ARHGAP45: variants seen among roughly 807,000 people sequenced by gnomAD.
ARHGAP45 encodes the protein rho GTPase-activating protein 45.
A neutral mutation model predicts 116.1 loss-of-function variants in ARHGAP45; 56 were observed. The ratio of observed to expected loss-of-function variants is 0.48; its 90% CI spans 0.39 to 0.60. ARHGAP45 has a LOEUF of 0.60. Ranked by LOEUF, ARHGAP45 falls within the 20% of genes least tolerant of loss-of-function variation. The pLI, the probability that ARHGAP45 is intolerant of heterozygous loss-of-function variation, is 0.00. For synonymous variants in ARHGAP45, 866 were observed against 701.7 expected (o/e 1.23, Z -3.70); for missense variants, 1,622 against 1,601.0 (o/e 1.01, Z -0.22).
At chr19:1,080,631 G>C (rs1431000824) in intron 15 of ARHGAP45, 51 bp from the exon 16 acceptor site, 1 of 1,602,814 alleles carries the variant, frequency 6.2e-7, no homozygotes, top group Non-Finnish European at 8.5e-7. Context: ...CGGGGTGATG[G>C]AGGGGGCCCC....
Position 1,086,062 on chromosome 19 carries a change from CA to C in ARHGAP45, c.*57del. 2 of 1,458,026 alleles carry C rather than the reference CA, an allele frequency of 1.4e-6. No homozygotes were observed. The highest frequency in any genetic ancestry group is 2.4e-5 in the South Asian group (2 of 81,662). The allele number at this position is 1,458,026 out of a possible 1,614,324, so 90.3% of individuals were successfully genotyped here. On this transcript the variant is annotated 3_prime_UTR_variant, in exon 23 of 23. Transcript: ENST00000313093. ...TCTCTCTTGCCTGCTCCTGTCCCTCCAGCACGTCCCCTGCACCACGGCATAG... is the reference window on the plus strand; with the variant it reads ...TCTCTCTTGCCTGCTCCTGTCCCTCCGCACGTCCCCTGCACCACGGCATAG...
chr19:1,074,609 C>G lies in ARHGAP45; in HGVS notation c.994-5C>G. On this transcript the variant is annotated splice_polypyrimidine_tract_variant and splice_region_variant and intron_variant, in intron 8 of 22. Transcript: ENST00000313093. ...CCACCCAGTGAGCCGGTGCCCCACC[C>G]ACAGCCCCACATGCCGCTCCTGTCC... is the stretch of plus-strand genomic sequence containing the variant. 2 of 1,564,342 alleles carry G rather than the reference C, an allele frequency of 1.3e-6. No homozygotes were observed. Among genetic ancestry groups the G allele is most frequent in the Non-Finnish European group, 1.7e-6 (2 of 1,154,742 alleles).
intron 11 of ARHGAP45, 66 bp from the exon 12 acceptor site, chr19:1,079,637 A>G: frequency 6.4e-7 from 1 of 1,565,100 alleles, no homozygotes; most frequent in Non-Finnish European, 8.7e-7. Context: ...CGCCTCCCTG[A>G]GGTTTCTGTC....
chr19:1,082,481 T>G, intron 19 of ARHGAP45: 1 of 342,296 alleles, frequency 2.9e-6, no homozygotes. Flanking sequence ...GCTAGGGGCG[T>G]GGTCATGTCT....
In ARHGAP45 at chr19:1,080,330, C is replaced by T. The variant is rs1346595804; in HGVS notation, c.1779C>T (p.Pro593=). The change falls in exon 14 of 23, where the codon CCC becomes CCT. Residue 593 remains proline, a synonymous_variant. Transcript: ENST00000313093. The stretch of plus-strand genomic sequence containing the variant: ...CGCGGCCGGAGGCTGCCGGGAGCCC[C>T]CCAGAAGAAGGCGGGTGCACTGAGG... The part of the protein sequence containing the change: ...DVARPEAAGS[P]PEEGGCTEGT... The T allele has an allele frequency of 1.2e-6, 2 of 1,610,270 alleles. No homozygotes were observed. Among genetic ancestry groups the T allele is most frequent in the African/African-American group, 1.3e-5 (1 of 74,820 alleles).
chr19:1,070,342 T>G, intron 2 of ARHGAP45, among the ~76,000 whole-genome samples: 1 of 128,624 alleles, frequency 7.8e-6, no homozygotes, highest in Non-Finnish European at 1.7e-5. Flanking sequence ...TTTTTTTTTT[T>G]TTTTTTGAGA....
chr19:1,069,501 C>T lies in ARHGAP45; in HGVS notation c.421+757C>T, dbSNP rs373704651. Among the ~76,000 whole-genome samples, 47 of 152,342 alleles carry T rather than the reference C, an allele frequency of 3.1e-4. No homozygotes were observed. The highest frequency in any genetic ancestry group is 8.4e-4 in the African/African-American group (35 of 41,572). On this transcript the variant is annotated intron_variant, in intron 2 of 22. Transcript: ENST00000313093. The surrounding 1 kb of genome is among the most constrained non-coding windows in gnomAD (Gnocchi z 4.1). ...CAGCAGCCGCCCATTTTACAGATGA[C>T]GAAACTAAGTCTCTAGTGAGGCCCT...
At chr19:1,081,463 C>CA (rs1555709424) in intron 17 of ARHGAP45, 87 bp from the exon 18 acceptor site, 3 of 1,290,548 alleles carry the variant, frequency 2.3e-6, no homozygotes, top group African/African-American at 1.5e-5. Flanking sequence ...GGGCTGTGAG[C>CA]GCCCCGGGGA....
At chr19:1,070,815 C>G (rs1471609807) in intron 2 of ARHGAP45, among the ~76,000 whole-genome samples, 1 of 152,180 alleles carries the variant, frequency 6.6e-6, no homozygotes, top group Non-Finnish European at 1.5e-5. Flanking sequence ...CGGGGCCGCC[C>G]CAGGCCAGAG....
At chr19:1,066,119 G>A (rs1459007643), upstream of ARHGAP45, 1 of 1,535,692 alleles carries the variant, frequency 6.5e-7, no homozygotes, top group East Asian at 2.4e-5. Flanking sequence ...AAGGGGCTGT[G>A]GCCTTCATGT....
chr19:1,077,328 G>A (rs2043276110), intron 10 of ARHGAP45: 2 of 984,966 alleles, frequency 2.0e-6, no homozygotes, highest in Admixed American at 6.2e-5. Context: ...GGGCACACAG[G>A]ACACCCATTT....
Position 1,068,453 on chromosome 19 carries a change from G to C in ARHGAP45, c.130G>C (p.Gly44Arg). The change falls in exon 2 of 23, where the codon GGA (glycine) becomes CGA (arginine). Residue 44 changes from glycine (G) to arginine (R), a missense_variant. Gly to Arg is a moderately radical substitution (Grantham distance 125). Around this residue, in one of 3 missense-constraint regions of ARHGAP45, gnomAD observed 279 missense variants for 311.9 expected, o/e 0.89. Coordinates refer to ENST00000313093, the MANE Select transcript of ARHGAP45 (RefSeq NM_012292.5). The surrounding 1 kb of genome is among the most constrained non-coding windows in gnomAD (Gnocchi z 7.5). ...GGATGGGGCTGACGCGGTGTTCCCCGGACCAAGCCTGGAGCCGCCCGCTGG... is the reference window on the plus strand; with the variant it reads ...GGATGGGGCTGACGCGGTGTTCCCCCGACCAAGCCTGGAGCCGCCCGCTGG... ...RKDGADAVFP[G>R]PSLEPPAGSS... 1 of 1,581,308 alleles carries C rather than the reference G, an allele frequency of 6.3e-7. No individual in the cohort carries two copies. Among genetic ancestry groups the C allele is most frequent in the Non-Finnish European group, 8.6e-7 (1 of 1,164,030 alleles).
chr19:1,081,633 G>C lies in ARHGAP45; in HGVS notation c.2274G>C (p.Leu758=). Reference sequence around the variant, plus strand: ...AGAAGCTGCAAGGCCGCCTGCAGCTGTTCGGCCAGGACTTCAGCCACGCGG... The same window carrying C: ...AGAAGCTGCAAGGCCGCCTGCAGCTCTTCGGCCAGGACTTCAGCCACGCGG... ...GHKKLQGRLQ[L]FGQDFSHAAR... The change falls in exon 18 of 23, where the codon CTG becomes CTC. Residue 758 remains leucine, a synonymous_variant. Transcript: ENST00000313093. 1.3e-6 allele frequency: 2 copies of C among 1,572,846 alleles called. No individual in the cohort carries two copies. Among genetic ancestry groups the C allele is most frequent in the East Asian group, 2.4e-5 (1 of 42,478 alleles).
chr19:1,078,085 A>G, intron 11 of ARHGAP45, 40 bp downstream of exon 11: 2 of 1,527,162 alleles, frequency 1.3e-6, no homozygotes, highest in Non-Finnish European at 1.8e-6. Context: ...TCCCTGGAGG[A>G]GGAGATCCAA....
intron 11 of ARHGAP45, among the ~76,000 whole-genome samples, chr19:1,078,854 C>A (rs917165596): frequency 1.4e-4 from 22 of 151,962 alleles, no homozygotes; most frequent in African/African-American, 5.1e-4. Flanking sequence ...GTAGCTGGGA[C>A]CACAGGCGTG....
chr19:1,084,885 C>A (rs567125107), intron 22 of ARHGAP45, among the ~76,000 whole-genome samples: 120 of 152,242 alleles, frequency 7.9e-4, no homozygotes, highest in African/African-American at 2.7e-3. Flanking sequence ...AGTTCAAGAC[C>A]AGCCTGACCA....
chr19:1,079,890 C>T (rs746939162), intron 12 of ARHGAP45, 38 bp from the exon 13 acceptor site: 2 of 1,593,966 alleles, frequency 1.3e-6, no homozygotes, highest in African/African-American at 1.3e-5. Flanking sequence ...ACCGGGCGGC[C>T]TCCTCCTGAC....
intron 2 of ARHGAP45, among the ~76,000 whole-genome samples, chr19:1,072,496 C>A (rs535585441): frequency 6.6e-6 from 1 of 152,062 alleles, no homozygotes; most frequent in South Asian, 2.1e-4. Context: ...CTCAACCCGT[C>A]CTCCTGCCTC....
chr19:1,085,241 G>A (rs779893716), intron 22 of ARHGAP45, among the ~76,000 whole-genome samples: 6 of 152,076 alleles, frequency 3.9e-5, no homozygotes, highest in Non-Finnish European at 5.9e-5. Context: ...GCTTGTGTCC[G>A]GAAACTCCAG....
Sources: allele counts gnomAD v4.1 joint callset (sites outside exome capture counted in the v4.1 genomes callset), GRCh38; gene constraint gnomAD v4.1.1; regional missense constraint gnomAD v4.1.1; non-coding constraint Gnocchi (gnomAD v3.1); transcripts MANE v1.5; gene names NCBI Gene and HGNC (gene_info 2026-07-23, HGNC 2026-07-21).